Variants in PRKN observed in about 807,000 individuals in gnomAD.
PRKN encodes the protein parkin RBR E3 ubiquitin protein ligase.
Under a neutral mutation model 59.5 loss-of-function variants are expected in PRKN, and 56 were observed. The ratio of observed to expected loss-of-function variants is 0.94; its 90% CI spans 0.76 to 1.18. The LOEUF (loss-of-function observed/expected upper bound fraction) is 1.18, where lower values mean the gene tolerates loss of function less well. PRKN is among the 50% of genes most tolerant of loss of function. The probability of loss-of-function intolerance (pLI) is 0.00; values close to 1 mark genes in which losing one functional copy is unlikely to be tolerated. For synonymous variants in PRKN, 250 were observed against 222.1 expected, an observed-to-expected ratio of 1.13 and a Z score of -1.12; for missense variants, 657 against 596.4, an observed-to-expected ratio of 1.10 and a Z score of -1.06.
chr6:161,656,593 G>A (rs1784361008), intron 7 of PRKN, among the ~76,000 whole-genome samples: 1 of 152,118 alleles, frequency 6.6e-6, no homozygotes, highest in Non-Finnish European at 1.5e-5. Flanking sequence ...AAACGTTTCA[G>A]TCCTTTAACC....
At chr6:161,653,166 T>C (rs1051606320) in intron 7 of PRKN, among the ~76,000 whole-genome samples, 2 of 151,864 alleles carry the variant, frequency 1.3e-5, no homozygotes, top group Non-Finnish European at 1.5e-5. Context: ...ATCGAGACCA[T>C]CCTGGCCAAC....
intron 1 of PRKN, among the ~76,000 whole-genome samples, chr6:162,681,245 A>G (rs192785241): frequency 3.9e-5 from 6 of 152,306 alleles, no homozygotes; most frequent in East Asian, 1.9e-4. Context: ...TTCTAACTCT[A>G]TAAGTTATTA....
At chr6:162,362,913 G>A (rs1043442718) in intron 2 of PRKN, among the ~76,000 whole-genome samples, 3 of 151,702 alleles carry the variant, frequency 2.0e-5, no homozygotes, top group African/African-American at 7.3e-5. Flanking sequence ...TGGATCACGA[G>A]GTCAGGAGAT....
rs549553501 is a variant in PRKN, at chr6:161,973,193, G to A, written c.734+109C>T. ...CAGGAAAGAGAGTTCACTGAGGAAG[G>A]CTCGTGTGGCAGAACAATATTGGGA... On this transcript the variant is annotated intron_variant, in intron 6 of 11. Coordinates refer to ENST00000366898, the MANE Select transcript of PRKN (RefSeq NM_004562.3). The A allele has an allele frequency of 9.2e-6, 7 of 764,238 alleles. No individual in the cohort carries two copies. In the South Asian group the frequency reaches 1.0e-4, roughly 11 times the overall value. The allele number at this position is 764,238 out of a possible 1,614,324, so 47.3% of individuals were successfully genotyped here.
intron 5 of PRKN, among the ~76,000 whole-genome samples, chr6:162,023,272 A>T (rs1263791611): frequency 6.6e-6 from 1 of 151,986 alleles, no homozygotes; most frequent in Non-Finnish European, 1.5e-5. Flanking sequence ...TAATCAACTC[A>T]ATTAGAGCGT....
chr6:161,533,278 G>C lies in PRKN; in HGVS notation c.1083+15576C>G, dbSNP rs2115389798. Among the ~76,000 whole-genome samples, 1 of 152,208 alleles carries C rather than the reference G, an allele frequency of 6.6e-6. No individual in the cohort carries two copies. The highest frequency in any genetic ancestry group is 2.1e-4 in the South Asian group (1 of 4,812). ...ACAGGAGTTGTAAAGAAATTACTTG[G>C]GCAGTGAGGGTATGGAAGTCCTCAG... On this transcript the variant is annotated intron_variant, in intron 9 of 11. Coordinates refer to ENST00000366898, the MANE Select transcript of PRKN (RefSeq NM_004562.3). The surrounding 1 kb of genome is among the most constrained non-coding windows in gnomAD (Gnocchi z 4.1).
intron 1 of PRKN, among the ~76,000 whole-genome samples, chr6:162,509,968 T>C (rs1251025710): frequency 6.6e-6 from 1 of 152,174 alleles, no homozygotes; most frequent in African/African-American, 2.4e-5. Flanking sequence ...CATTCTTTTA[T>C]GCCCGAGAGC....
In PRKN at chr6:162,023,481, C is replaced by G. The variant is rs529020416; in HGVS notation, c.618+30610G>C. The stretch of plus-strand genomic sequence containing the variant: ...CTGCTTCGGGGCCAGGGCTCTCCTC[C>G]GACCGCCCCAGCCAAACTCCACGTG... On this transcript the variant is annotated intron_variant, in intron 5 of 11. Transcript: ENST00000366898. Among the ~76,000 whole-genome samples the G allele has an allele frequency of 4.4e-4, 67 of 152,196 alleles. 1 individual carries two copies. The East Asian group carries it at 0.011, about 26-fold the overall frequency.
chr6:161,938,946 T>G (rs1779452092), intron 6 of PRKN, among the ~76,000 whole-genome samples: 2 of 152,224 alleles, frequency 1.3e-5, no homozygotes, highest in African/African-American at 4.8e-5. Flanking sequence ...TCCTCAAAAT[T>G]TAAATAAAAT....
At chr6:162,584,788 CT>C in intron 1 of PRKN, among the ~76,000 whole-genome samples, 1 of 7,888 alleles carries the variant, frequency 1.3e-4, no homozygotes, top group Non-Finnish European at 2.0e-4. Context: ...CTCCTCTCCT[CT>C]CCCCTCCCCT....
Position 161,451,749 on chromosome 6 carries a change from C to T in PRKN, c.1084-64872G>A, listed in dbSNP as rs565771006. ...GTGGACAGGCAGCTGCCAACAGTGA[C>T]AGCAGGTGGCCCATGAGTGAAACTT... On this transcript the variant is annotated intron_variant, in intron 9 of 11. Coordinates refer to ENST00000366898, the MANE Select transcript of PRKN (RefSeq NM_004562.3). The surrounding 1 kb of genome is among the most constrained non-coding windows in gnomAD (Gnocchi z 5.9). 6.6e-6 allele frequency among the ~76,000 whole-genome samples: 1 copy of T among 152,316 alleles called. No homozygotes were observed. The highest frequency in any genetic ancestry group is 1.9e-4 in the East Asian group (1 of 5,176).
At chr6:161,925,575 GAA>G (rs1048079264) in intron 6 of PRKN, among the ~76,000 whole-genome samples, 1 of 150,340 alleles carries the variant, frequency 6.7e-6, no homozygotes, top group South Asian at 2.1e-4. Flanking sequence ...CATCTCAAAA[GAA>G]AAAAAAATGT....
chr6:161,666,720 C>G (rs1784740236), intron 7 of PRKN, among the ~76,000 whole-genome samples: 1 of 152,172 alleles, frequency 6.6e-6, no homozygotes, highest in South Asian at 2.1e-4. Flanking sequence ...AAACCTCTGC[C>G]CCTCACTGTC....
chr6:162,439,405 CTTTTT>C (rs1789944685), intron 2 of PRKN, among the ~76,000 whole-genome samples: 1 of 130,596 alleles, frequency 7.7e-6, no homozygotes, highest in South Asian at 2.7e-4. Context: ...CTTCTCTTTT[CTTTTT>C]GTCTATATAT....
intron 9 of PRKN, among the ~76,000 whole-genome samples, chr6:161,425,230 T>G (rs1433844759): frequency 2.6e-5 from 4 of 152,156 alleles, no homozygotes; most frequent in Non-Finnish European, 5.9e-5. Context: ...CCCTCCTAGA[T>G]TGAACTGTAC....
At chr6:162,378,684 G>C (rs1017715535) in intron 2 of PRKN, among the ~76,000 whole-genome samples, 1 of 152,238 alleles carries the variant, frequency 6.6e-6, no homozygotes, top group African/African-American at 2.4e-5. Context: ...ACTGTTAAAT[G>C]AGCTTAAACT....
chr6:161,777,418 T>C (rs1300380207), intron 7 of PRKN, among the ~76,000 whole-genome samples: 1 of 152,020 alleles, frequency 6.6e-6, no homozygotes, highest in Admixed American at 6.6e-5. Flanking sequence ...GGTTCATTGT[T>C]GCCTGGCCAT....
At chr6:161,522,442 G>C (rs1444563696) in intron 9 of PRKN, among the ~76,000 whole-genome samples, 1 of 152,152 alleles carries the variant, frequency 6.6e-6, no homozygotes, top group Non-Finnish European at 1.5e-5. Context: ...CTGCTTCTCT[G>C]ACTCCCTACT....
chr6:161,819,761 C>T (rs907810127), intron 6 of PRKN, among the ~76,000 whole-genome samples: 4 of 152,140 alleles, frequency 2.6e-5, no homozygotes, highest in Admixed American at 1.3e-4. Flanking sequence ...CATTTTAAAG[C>T]GAATCTCAAA....
Sources: gnomAD v4.1 joint callset for allele counts (sites outside exome capture counted in the v4.1 genomes callset) on GRCh38, gnomAD v4.1.1 for gene constraint, Gnocchi (gnomAD v3.1) non-coding constraint, MANE v1.5 for transcripts, NCBI Gene and HGNC (gene_info 2026-07-23, HGNC 2026-07-21) for gene names.